AGBL1: variants seen among roughly 807,000 people sequenced by gnomAD.
AGBL1 encodes cytosolic carboxypeptidase 4.
In AGBL1, 130 loss-of-function variants were observed where a neutral mutation model predicts 118.9. The observed-to-expected ratio is 1.09, with a 90% CI of 0.95 to 1.26. The LOEUF (loss-of-function observed/expected upper bound fraction) is 1.26. Among genes scored for constraint, AGBL1 ranks in the 50% most tolerant of loss-of-function variants. The pLI is 0.00. For missense variants in AGBL1, 1,584 were observed against 1,298.1 expected, an observed-to-expected ratio of 1.22 and a Z score of -3.38; for synonymous variants, 555 against 478.9, an observed-to-expected ratio of 1.16 and a Z score of -2.08.
chr15:86,535,028 C>T (rs2083405455), intron 19 of AGBL1, among the ~76,000 whole-genome samples: 1 of 152,088 alleles, frequency 6.6e-6, no homozygotes, highest in African/African-American at 2.4e-5. Flanking sequence ...ACACATTTAC[C>T]TAAATGCAGA....
intron 23 of AGBL1, among the ~76,000 whole-genome samples, chr15:86,944,294 G>T (rs747367510): frequency 6.6e-6 from 1 of 152,022 alleles, no homozygotes; most frequent in Non-Finnish European, 1.5e-5. Context: ...CAGGAAAATC[G>T]CTTGAACCAG....
chr15:86,842,636 G>A (rs939966189), intron 22 of AGBL1, among the ~76,000 whole-genome samples: 3 of 152,164 alleles, frequency 2.0e-5, no homozygotes, highest in African/African-American at 7.2e-5. Context: ...TCTGCAGCAG[G>A]AAAGTGAGGA....
chr15:86,218,281 A>G (rs2078222082), intron 5 of AGBL1, among the ~76,000 whole-genome samples: 1 of 152,130 alleles, frequency 6.6e-6, no homozygotes, highest in Non-Finnish European at 1.5e-5. Context: ...TGGAAAGGGC[A>G]GGTGGTGTTA....
chr15:86,555,696 C>T lies in AGBL1; in HGVS notation c.2994+1159C>T, dbSNP rs74025192. 5.5e-3 allele frequency among the ~76,000 whole-genome samples: 830 copies of T among 152,250 alleles called. 7 individuals carry two copies. The highest frequency in any genetic ancestry group is 0.019 in the African/African-American group (775 of 41,544). ...TCTGAGATTGGGCATCAAGAGATCTCACTCTTTCACTTACCAGCAGTGTTG... is the reference window on the plus strand; with the variant it reads ...TCTGAGATTGGGCATCAAGAGATCTTACTCTTTCACTTACCAGCAGTGTTG... On this transcript the variant is annotated intron_variant, in intron 21 of 22. Coordinates refer to ENST00000614907, the MANE Select transcript of AGBL1 (RefSeq NM_001386094.1).
rs1159555624 is a variant in AGBL1, at chr15:86,780,169, AG to A, written c.3158+105735del. ...TTATTTCTGTATATAATATGATGTA[AG>A]GAACAAGACACATTTTCTTGCCATT... On this transcript the variant is annotated intron_variant, in intron 22 of 22. Transcript: ENST00000614907. Among the ~76,000 whole-genome samples the A allele has an allele frequency of 3.4e-5, 5 of 147,178 alleles. No homozygotes were observed. The East Asian group carries it at 6.2e-4, about 18-fold the overall frequency.
intron 22 of AGBL1, among the ~76,000 whole-genome samples, chr15:86,872,434 C>T (rs1457786877): frequency 6.6e-6 from 1 of 152,122 alleles, no homozygotes; most frequent in Admixed American, 6.5e-5. Flanking sequence ...AACCCGCTTA[C>T]TATTATTGCA....
intron 23 of AGBL1, among the ~76,000 whole-genome samples, chr15:86,950,789 G>C (rs1403199140): frequency 6.6e-6 from 1 of 151,816 alleles, no homozygotes; most frequent in African/African-American, 2.4e-5. Flanking sequence ...CACAAAAGAG[G>C]ATGTCAAAAT....
chr15:86,418,711 C>T lies in AGBL1; in HGVS notation c.2555+21165C>T, dbSNP rs1345075862. Among the ~76,000 whole-genome samples, 3 of 152,184 alleles carry T rather than the reference C, an allele frequency of 2.0e-5. No individual in the cohort carries two copies. In the East Asian group the frequency reaches 5.8e-4, roughly 29 times the overall value. ...TGCCTTTGAAGAGTGAAGAGGAGAC[C>T]CCAGCTCCTGACTTAGGATGATTCA... On this transcript the variant is annotated intron_variant, in intron 18 of 22. Coordinates refer to ENST00000614907, the MANE Select transcript of AGBL1 (RefSeq NM_001386094.1).
chr15:86,080,250 T>G, intron 1 of AGBL1: 1 of 375,298 alleles, frequency 2.7e-6, no homozygotes, highest in Non-Finnish European at 4.7e-6. Context: ...TTATTGATCC[T>G]CGTGGGATCA....
chr15:86,804,227 G>T (rs918959068), intron 22 of AGBL1, among the ~76,000 whole-genome samples: 6 of 152,208 alleles, frequency 3.9e-5, no homozygotes, highest in Non-Finnish European at 7.4e-5. Context: ...TGAGAAAGGG[G>T]GAAGGAGACT....
chr15:86,169,657 A>T (rs1246037602), intron 5 of AGBL1, among the ~76,000 whole-genome samples: 2 of 152,246 alleles, frequency 1.3e-5, no homozygotes, highest in African/African-American at 4.8e-5. Flanking sequence ...TGCTATGTAA[A>T]TAAGTTGTTA....
intron 22 of AGBL1, among the ~76,000 whole-genome samples, chr15:86,889,766 G>A (rs1031577380): frequency 2.0e-5 from 3 of 152,140 alleles, no homozygotes; most frequent in Non-Finnish European, 2.9e-5. Context: ...TGGTGTACGT[G>A]TACCACATTT....
intron 20 of AGBL1, 111 bp from the exon 21 acceptor site, chr15:86,554,250 G>T: frequency 2.2e-6 from 2 of 927,936 alleles, no homozygotes; most frequent in East Asian, 3.0e-5. Flanking sequence ...ATGATTTAAA[G>T]TAACGAGTAT....
At chr15:86,767,223 A>T (rs2078108665) in intron 22 of AGBL1, among the ~76,000 whole-genome samples, 1 of 151,956 alleles carries the variant, frequency 6.6e-6, no homozygotes, top group African/African-American at 2.4e-5. Context: ...ATGGAACTAG[A>T]TAGCCTAAAC....
rs1390066397 is a variant in AGBL1, at chr15:86,416,141, A to G, written c.2555+18595A>G. Among the ~76,000 whole-genome samples, 5 of 152,122 alleles carry G rather than the reference A, an allele frequency of 3.3e-5. No individual in the cohort carries two copies. In the East Asian group the frequency reaches 9.6e-4, roughly 29 times the overall value. On this transcript the variant is annotated intron_variant, in intron 18 of 22. Transcript: ENST00000614907. Reference sequence around the variant, plus strand: ...TATTTCATAAACAAACAAACCAACAAACAAAATTCAGTCCAGGCCAAGATG... The same window carrying G: ...TATTTCATAAACAAACAAACCAACAGACAAAATTCAGTCCAGGCCAAGATG...
At chr15:86,371,985 C>G (rs1290863190) in intron 17 of AGBL1, among the ~76,000 whole-genome samples, 1 of 152,200 alleles carries the variant, frequency 6.6e-6, no homozygotes, top group African/African-American at 2.4e-5. Flanking sequence ...ATCCCTCAGA[C>G]ATTTCTTATG....
intron 6 of AGBL1, among the ~76,000 whole-genome samples, chr15:86,235,922 T>C (rs1007489121): frequency 6.6e-6 from 1 of 152,122 alleles, no homozygotes; most frequent in Non-Finnish European, 1.5e-5. Flanking sequence ...CAATGAGTAA[T>C]ATCAGCCCAA....
intron 18 of AGBL1, among the ~76,000 whole-genome samples, chr15:86,460,015 T>C (rs915838856): frequency 1.1e-4 from 16 of 151,944 alleles, no homozygotes; most frequent in African/African-American, 3.9e-4. Context: ...CTGCAACAAG[T>C]AGAGAGAATA....
chr15:86,711,422 C>T (rs1406007843), intron 22 of AGBL1, among the ~76,000 whole-genome samples: 1 of 152,156 alleles, frequency 6.6e-6, no homozygotes, highest in South Asian at 2.1e-4. Flanking sequence ...TGTTCTAATT[C>T]TCTGCATCGT....
Sources: allele counts gnomAD v4.1 joint callset (sites outside exome capture counted in the v4.1 genomes callset), GRCh38; gene constraint gnomAD v4.1.1; transcripts MANE v1.5; gene names NCBI Gene and HGNC (gene_info 2026-07-23, HGNC 2026-07-21).